Variants in METTL23 observed in about 807,000 individuals in gnomAD.
METTL23 encodes histone-arginine methyltransferase METTL23.
METTL23 carries 24 observed loss-of-function variants against 21.2 expected under a neutral mutation model. That is an observed-to-expected ratio of 1.13 (90% CI 0.82 to 1.59). The LOEUF (loss-of-function observed/expected upper bound fraction) is 1.59. Among genes scored for constraint, METTL23 ranks in the 40% most tolerant of loss-of-function variants. The probability of loss-of-function intolerance (pLI) is 0.00; values close to 1 mark genes in which losing one functional copy is unlikely to be tolerated. For missense variants in METTL23, 276 were observed against 221.4 expected (o/e 1.25, Z -1.57); for synonymous variants, 97 against 75.2 (o/e 1.29, Z -1.50).
At chr17:76,729,433 T>C (rs959970805) in intron 1 of METTL23, among the ~76,000 whole-genome samples, 3 of 152,180 alleles carry the variant, frequency 2.0e-5, no homozygotes, top group African/African-American at 7.2e-5. Context: ...CAGTAGGATA[T>C]GTGCTCAGGG....
At chr17:76,731,893 TTG>T (rs2077220349) in intron 2 of METTL23, among the ~76,000 whole-genome samples, 1 of 152,204 alleles carries the variant, frequency 6.6e-6, no homozygotes, top group African/African-American at 2.4e-5. Context: ...AATGGGAAGC[TTG>T]TGTTTATGCT....
At position 76,733,716 on chromosome 17, in the gene METTL23, A is replaced by C. The variant is rs761685407; in HGVS notation, c.*30A>C. 1.3e-6 allele frequency: 2 copies of C among 1,585,982 alleles called. No homozygotes were observed. Among genetic ancestry groups the C allele is most frequent in the East Asian group, 4.5e-5 (2 of 44,620 alleles). Reference sequence around the variant, plus strand: ...TACCTACAACCTGTTCTGGGACAGTATCAATACTGATGAGCAACCTGGCAC... The same window carrying C: ...TACCTACAACCTGTTCTGGGACAGTCTCAATACTGATGAGCAACCTGGCAC... On this transcript the variant is annotated 3_prime_UTR_variant, in exon 5 of 5. Coordinates refer to ENST00000341249, the MANE Select transcript of METTL23 (RefSeq NM_001080510.5).
chr17:76,733,076 C>A lies in METTL23; in HGVS notation c.183C>A (p.Val61=). The A allele has an allele frequency of 6.2e-7, 1 of 1,609,550 alleles. No individual in the cohort carries two copies. Among genetic ancestry groups the A allele is most frequent in the South Asian group, 1.1e-5 (1 of 90,198 alleles). ...DSSELPHCLE[V]CRQSCQMNNL... is the part of the protein sequence containing the mutation. ...CAGAACTGCCTCACTGTCTGGAAGT[C>A]TGTCGGCAAAGCTGCCAAATGAATA... The change falls in exon 3 of 5, where the codon GTC becomes GTA. Residue 61 remains valine, a synonymous_variant. Coordinates refer to ENST00000341249, the MANE Select transcript of METTL23 (RefSeq NM_001080510.5).
chr17:76,733,648 G>GAAATGCTGGT lies in METTL23; in HGVS notation c.536_545dup (p.Ile183AsnfsTer57), dbSNP rs757197161. 8 of 1,613,752 alleles carry GAAATGCTGGT rather than the reference G, an allele frequency of 5.0e-6. No individual in the cohort carries two copies. In the South Asian group the frequency reaches 8.8e-5, roughly 18 times the overall value. On this transcript the variant is annotated frameshift_variant, in exon 5 of 5. Coordinates refer to ENST00000341249, the MANE Select transcript of METTL23 (RefSeq NM_001080510.5). LOFTEE classifies it high-confidence loss of function. ...TACCCTTCCAGGAAGACATACAGTT[G>GAAATGCTGGT]AAATGCTGGTCATTTCCTTTGCAAA...
upstream of METTL23, chr17:76,726,550 G>A: frequency 2.0e-6 from 3 of 1,500,690 alleles, no homozygotes; most frequent in East Asian, 2.5e-5. Context: ...CCCCTCCCCG[G>A]CCTGGGCGGC....
upstream of METTL23, chr17:76,726,671 G>A: frequency 9.9e-6 from 7 of 708,968 alleles, no homozygotes; most frequent in Non-Finnish European, 1.6e-5. Context: ...GCAAGCGGCC[G>A]CCGTCTTCCC....
rs1342046046 is a variant in METTL23 at position 76,733,017 on chromosome 17, A to T, written c.124A>T (p.Lys42Ter). The T allele has an allele frequency of 6.3e-7, 1 of 1,592,910 alleles. No homozygotes were observed. The highest frequency in any genetic ancestry group is 2.3e-5 in the East Asian group (1 of 44,364). Residue 42 changes from lysine to a stop codon, truncating the protein, a stop_gained, in exon 3 of 5, where the codon AAA becomes TAA. Coordinates refer to ENST00000341249, the MANE Select transcript of METTL23 (RefSeq NM_001080510.5). LOFTEE classifies it high-confidence loss of function. ...GAGCCTTCCAGGAATTTTGGCTGCC[A>T]AATGTGGTGCAGAAGTAATACTGTC... Reference protein sequence around the residue: ...GVSLPGILAAKCGAEVILSDS... With the variant: ...GVSLPGILAA
rs2077346282 is a variant in METTL23 at position 76,733,658 on chromosome 17, T to C, written c.545T>C (p.Val182Ala). Residue 182 changes from valine (V) to alanine (A), a missense_variant, in exon 5 of 5, where the codon GTC (valine) becomes GCC (alanine). Transcript: ENST00000341249. ...LPGRHTVEML[V>A]ISFAKDSL ...GGAAGACATACAGTTGAAATGCTGG[T>C]CATTTCCTTTGCAAAGGACAGTCTC... is the stretch of plus-strand genomic sequence containing the variant. 4 of 1,613,660 alleles carry C rather than the reference T, an allele frequency of 2.5e-6. No homozygotes were observed. The East Asian group carries it at 8.9e-5, about 36-fold the overall frequency.
At chr17:76,728,416 T>TTTTTTTTTGTTTGTTTGTTTGTTTG (rs1568008552) in intron 1 of METTL23, among the ~76,000 whole-genome samples, 61 of 5,214 alleles carry the variant, frequency 0.012, 2 homozygotes, top group African/African-American at 0.02. Context: ...TCACGGATTT[T>TTTTTTTTTGTTTGTTTGTTTGTTTG]TTTTTTTTTT....
At chr17:76,726,601 GC>G, upstream of METTL23, 1 of 1,317,082 alleles carries the variant, frequency 7.6e-7, no homozygotes, top group Non-Finnish European at 1.0e-6. Context: ...CAGTCCCGGC[GC>G]CTTTAAAGTC....
intron 2 of METTL23, among the ~76,000 whole-genome samples, chr17:76,731,361 C>T (rs543435374): frequency 1.7e-3 from 255 of 152,274 alleles, no homozygotes; most frequent in Non-Finnish European, 2.9e-3. Context: ...CTGGTGAGGG[C>T]CAGAATTCTG....
intron 2 of METTL23, among the ~76,000 whole-genome samples, chr17:76,731,573 G>GTTTTTGGAAACA (rs2077210076): frequency 6.6e-6 from 1 of 152,170 alleles, no homozygotes; most frequent in African/African-American, 2.4e-5. Flanking sequence ...AGCCCTTTCT[G>GTTTTTGGAAACA]TTTTTGGAAA....
Position 76,726,866 on chromosome 17 carries a change from C to G in METTL23, c.-334C>G, listed in dbSNP as rs1478238715. The G allele has an allele frequency of 2.3e-6, 1 of 432,786 alleles. No homozygotes were observed. The highest frequency in any genetic ancestry group is 2.4e-5 in the Admixed American group (1 of 41,308). 26.8% of individuals were successfully genotyped at this position (432,786 alleles called of 1,614,324 possible). On this transcript the variant is annotated 5_prime_UTR_variant, in exon 1 of 5. Transcript: ENST00000341249. ...TTCCGGTCGCGCCAGCCGCCCGTTG[C>G]CAGTTCTGCGCGTGTGAGTCTCTTT...
rs776588990 is a variant in METTL23 at position 76,733,176 on chromosome 17, G to T, written c.283G>T (p.Asp95Tyr). The T allele has an allele frequency of 6.2e-7, 1 of 1,613,916 alleles. No homozygotes were observed. Among genetic ancestry groups the T allele is most frequent in the African/African-American group, 1.3e-5 (1 of 75,054 alleles). ...SWDLLALPPQ[D>Y]IILASDVFFE... The stretch of plus-strand genomic sequence containing the variant: ...GGATCTTCTGGCTCTACCACCACAA[G>T]ATATTATCCTTGCATCTGATGTGTT... The change falls in exon 3 of 5, where the codon GAT (aspartate) becomes TAT (tyrosine). Residue 95 changes from aspartate (D) to tyrosine (Y), a missense_variant. By Grantham distance (160) the Asp-to-Tyr change is radical. Coordinates refer to ENST00000341249, the MANE Select transcript of METTL23 (RefSeq NM_001080510.5).
In METTL23 at chr17:76,733,616, CA is replaced by C. The variant is rs1443221868; in HGVS notation, c.504del (p.Glu169AsnfsTer36). ...ESFDADKEDI[A>X]ESTLPGRHTV... ...TTTGATGCAGACAAAGAAGATATAG[CA>C]GAATCTACCCTTCCAGGAAGACATA... On this transcript the variant is annotated frameshift_variant, in exon 5 of 5. Coordinates refer to ENST00000341249, the MANE Select transcript of METTL23 (RefSeq NM_001080510.5). LOFTEE classifies it high-confidence loss of function. 18 of 1,613,726 alleles carry C rather than the reference CA, an allele frequency of 1.1e-5. No individual in the cohort carries two copies. The highest frequency in any genetic ancestry group is 1.5e-5 in the Non-Finnish European group (18 of 1,179,814).
rs764838086 is a variant in METTL23, at chr17:76,733,132, C to T, written c.239C>T (p.Thr80Ile). 5 of 1,613,810 alleles carry T rather than the reference C, an allele frequency of 3.1e-6. No individual in the cohort carries two copies. The Admixed American group carries it at 8.3e-5, about 27-fold the overall frequency. The change falls in exon 3 of 5, where the codon ACA becomes ATA. Residue 80 changes from threonine (T) to isoleucine (I), a missense_variant. Thr to Ile is a moderately conservative substitution (Grantham distance 89). Coordinates refer to ENST00000341249, the MANE Select transcript of METTL23 (RefSeq NM_001080510.5). ...CCACATCTGCAGGTGGTAGGACTAA[C>T]ATGGGGTCATATATCTTGGGATCTT... Reference protein sequence around the residue: ...NLPHLQVVGLTWGHISWDLLA... With the variant: ...NLPHLQVVGLIWGHISWDLLA...
At chr17:76,727,372 G>T (rs1264528780) in intron 1 of METTL23, 194 bp downstream of exon 1, 4 of 323,180 alleles carry the variant, frequency 1.2e-5, no homozygotes, top group South Asian at 4.9e-5. Flanking sequence ...GAATTTTGGA[G>T]ACCCTGCCAA....
chr17:76,732,496 CAAA>C (rs35371040), intron 2 of METTL23, among the ~76,000 whole-genome samples: 1 of 139,858 alleles, frequency 7.2e-6, no homozygotes, highest in Non-Finnish European at 1.6e-5. Context: ...CAAACGCTCT[CAAA>C]AAAAAAAAAT....
chr17:76,733,639 CAT>C lies in METTL23; in HGVS notation c.528_529del (p.Thr177SerfsTer2). ...DIAESTLPGR[H>X]TVEMLVISFA... ...AGCAGAATCTACCCTTCCAGGAAGACATACAGTTGAAATGCTGGTCATTTCCT... is the reference window on the plus strand; with the variant it reads ...AGCAGAATCTACCCTTCCAGGAAGACACAGTTGAAATGCTGGTCATTTCCT... On this transcript the variant is annotated frameshift_variant, in exon 5 of 5. Transcript: ENST00000341249. LOFTEE classifies it high-confidence loss of function. 6.2e-7 allele frequency: 1 copy of C among 1,613,816 alleles called. No homozygotes were observed. Among genetic ancestry groups the C allele is most frequent in the South Asian group, 1.1e-5 (1 of 91,052 alleles).
Sources: gnomAD v4.1 joint callset for allele counts (sites outside exome capture counted in the v4.1 genomes callset) on GRCh38, gnomAD v4.1.1 for gene constraint, MANE v1.5 for transcripts, NCBI Gene and HGNC (gene_info 2026-07-23, HGNC 2026-07-21) for gene names.